The following SULF1 variants were observed in gnomAD, a reference collection of about 807,000 sequenced individuals.
SULF1 encodes sulfatase 1.
SULF1 carries 46 observed loss-of-function variants against 110.5 expected under a neutral mutation model. The ratio of observed to expected loss-of-function variants is 0.42; its 90% CI spans 0.33 to 0.53. SULF1 has a LOEUF of 0.53. Among genes scored for constraint, SULF1 ranks in the 20% least tolerant of loss-of-function variants. The pLI, the probability that SULF1 is intolerant of heterozygous loss-of-function variation, is 0.12. For missense variants in SULF1, 941 were observed against 1,094.2 expected (o/e 0.86, Z 1.98); for synonymous variants, 371 against 387.1 (o/e 0.96, Z 0.49).
In SULF1 at chr8:69,625,774, A is replaced by C. The variant is rs557630851; in HGVS notation, c.1851-1436A>C. Among the ~76,000 whole-genome samples, 42 of 152,260 alleles carry C rather than the reference A, an allele frequency of 2.8e-4. No homozygotes were observed. The South Asian group carries it at 8.7e-3, about 32-fold the overall frequency. On this transcript the variant is annotated intron_variant, in intron 15 of 22. Coordinates refer to ENST00000402687, the MANE Select transcript of SULF1 (RefSeq NM_001128205.2). Reference sequence around the variant, plus strand: ...AAGAGCGAAAGAACGGAGCTTCCACAGTGTGGAAGGGGACCCAGGCAGATT... The same window carrying C: ...AAGAGCGAAAGAACGGAGCTTCCACCGTGTGGAAGGGGACCCAGGCAGATT...
chr8:69,654,943 G>A (rs1812609305), intron 22 of SULF1, among the ~76,000 whole-genome samples: 1 of 152,184 alleles, frequency 6.6e-6, no homozygotes. Context: ...GCTATAAAAT[G>A]TGTCCTTTCA....
rs1813017534 is a variant in SULF1 at position 69,660,193 on chromosome 8, T to C, written c.*1658T>C. On this transcript the variant is annotated 3_prime_UTR_variant, in exon 23 of 23. Transcript: ENST00000402687. ...TCTTTTATTTTCATCTTTTTTGGTT[T>C]TCTTGGCATGACTAAGAAGCTTAAA... is the stretch of plus-strand genomic sequence containing the variant. 1 of 152,204 alleles carries C rather than the reference T, an allele frequency of 6.6e-6. No homozygotes were observed. 9.4% of individuals were successfully genotyped at this position (152,204 alleles called of 1,614,324 possible).
At chr8:69,593,783 G>A (rs1807080864) in intron 8 of SULF1, among the ~76,000 whole-genome samples, 1 of 152,086 alleles carries the variant, frequency 6.6e-6, no homozygotes, top group South Asian at 2.1e-4. Flanking sequence ...GTATTAGAAA[G>A]CCCTGCGCTC....
intron 8 of SULF1, among the ~76,000 whole-genome samples, chr8:69,594,122 G>A (rs1209322242): frequency 6.6e-6 from 1 of 152,044 alleles, no homozygotes; most frequent in Non-Finnish European, 1.5e-5. Context: ...CACAATCTCG[G>A]CTCACCACAA....
intron 6 of SULF1, among the ~76,000 whole-genome samples, chr8:69,578,985 A>C (rs774424646): frequency 1.3e-5 from 2 of 151,516 alleles, no homozygotes; most frequent in African/African-American, 2.4e-5. Flanking sequence ...ATCACGGTGA[A>C]ACTGTCTCTA....
intron 3 of SULF1, among the ~76,000 whole-genome samples, chr8:69,540,631 T>G (rs1164232991): frequency 6.6e-6 from 1 of 152,224 alleles, no homozygotes; most frequent in Non-Finnish European, 1.5e-5. Flanking sequence ...TGACAGCGTT[T>G]CCTGCCTTCT....
chr8:69,624,191 C>G lies in SULF1; in HGVS notation c.1844C>G (p.Thr615Arg). ...AVGPPTTVRV[T>R]HKCFILPNDS... is the part of the protein sequence containing the mutation. ...GGCCCACCTACCACTGTCCGAGTGACACACAAGTAAGAAAGCTTTATTTGT... is the reference window on the plus strand; with the variant it reads ...GGCCCACCTACCACTGTCCGAGTGAGACACAAGTAAGAAAGCTTTATTTGT... The change falls in exon 15 of 23, where the codon ACA becomes AGA. Residue 615 changes from threonine (T) to arginine (R), a missense_variant. Thr to Arg is a moderately conservative substitution (Grantham distance 71). Around this residue, in one of 3 missense-constraint regions of SULF1, gnomAD observed 822 missense variants for 934.3 expected, o/e 0.88. Transcript: ENST00000402687. 1 of 1,574,442 alleles carries G rather than the reference C, an allele frequency of 6.4e-7. No individual in the cohort carries two copies. Among genetic ancestry groups the G allele is most frequent in the Non-Finnish European group, 8.6e-7 (1 of 1,159,296 alleles).
intron 6 of SULF1, among the ~76,000 whole-genome samples, chr8:69,582,499 C>T (rs976818894): frequency 9.2e-5 from 14 of 152,060 alleles, no homozygotes; most frequent in African/African-American, 3.4e-4. Flanking sequence ...TGCATTTAAT[C>T]CTCAAAACAA....
chr8:69,552,115 G>C (rs913433652), intron 3 of SULF1, among the ~76,000 whole-genome samples: 2 of 152,106 alleles, frequency 1.3e-5, no homozygotes, highest in African/African-American at 2.4e-5. Context: ...AATTTTATAG[G>C]TCTCATCCCA....
rs543486788 is a variant in SULF1, at chr8:69,653,728, T to C, written c.2586-4777T>C. Among the ~76,000 whole-genome samples the C allele has an allele frequency of 3.9e-5, 6 of 152,312 alleles. No homozygotes were observed. The East Asian group carries it at 1.2e-3, about 29-fold the overall frequency. On this transcript the variant is annotated intron_variant, in intron 22 of 22. Transcript: ENST00000402687. ...AACTCTCTAATCATGTGGAGGTCTT[T>C]CTGATGATCAGCCCAGCTCCCAACC... is the stretch of plus-strand genomic sequence containing the variant.
In SULF1 at chr8:69,501,882, G is replaced by A. The variant is rs185882678; in HGVS notation, c.-220G>A. 7 of 152,256 alleles carry A rather than the reference G, an allele frequency of 4.6e-5. No individual in the cohort carries two copies. Among genetic ancestry groups the A allele is most frequent in the East Asian group, 1.9e-4 (1 of 5,188 alleles). 9.4% of individuals were successfully genotyped at this position (152,256 alleles called of 1,614,324 possible). A position where few individuals can be genotyped will look rare whatever the true frequency, so the allele number is the denominator to read the frequency against. ...GCTCTTTTCCATCGTAGGTGCTGAC[G>A]GCCACCCACCATCATCTAAAGAAGA... On this transcript the variant is annotated 5_prime_UTR_variant, in exon 3 of 23. Transcript: ENST00000402687.
chr8:69,605,799 C>T (rs566989489), intron 13 of SULF1, among the ~76,000 whole-genome samples: 5 of 152,244 alleles, frequency 3.3e-5, no homozygotes, highest in African/African-American at 7.2e-5. Flanking sequence ...ACATCAGGCA[C>T]AGTACGCAGG....
chr8:69,538,854 G>A (rs1813653776), intron 3 of SULF1, among the ~76,000 whole-genome samples: 2 of 152,036 alleles, frequency 1.3e-5, no homozygotes, highest in Admixed American at 6.6e-5. Context: ...CACCATGCCT[G>A]GCTAATTTTT....
chr8:69,541,012 G>A (rs1813817433), intron 3 of SULF1, among the ~76,000 whole-genome samples: 2 of 152,002 alleles, frequency 1.3e-5, no homozygotes, highest in African/African-American at 4.8e-5. Context: ...TTCCTATATG[G>A]CACAGCTGAA....
intron 1 of SULF1, among the ~76,000 whole-genome samples, chr8:69,486,282 C>T (rs2150548287): frequency 6.6e-6 from 1 of 151,482 alleles, no homozygotes; most frequent in South Asian, 2.1e-4. Context: ...AATTCCTATA[C>T]TGGTCATTCT....
chr8:69,537,964 C>CT lies in SULF1; in HGVS notation c.-133-25560dup, dbSNP rs746746718. 8.8e-3 allele frequency among the ~76,000 whole-genome samples: 1,254 copies of CT among 141,930 alleles called. 8 individuals carry two copies. The highest frequency in any genetic ancestry group is 0.051 in the Middle Eastern group (14 of 274). 93.1% of individuals were successfully genotyped at this position (141,930 alleles called of 152,430 possible). A position where few individuals can be genotyped will look rare whatever the true frequency, so the allele number is the denominator to read the frequency against. On this transcript the variant is annotated intron_variant, in intron 3 of 22. Transcript: ENST00000402687. ...CTCAAGTTTTATAACATTTCAAATCCTTTTTTTTTTTTTTTAGACGGAGTC... is the reference window on the plus strand; with the variant it reads ...CTCAAGTTTTATAACATTTCAAATCCTTTTTTTTTTTTTTTTAGACGGAGTC...
chr8:69,573,472 A>C (rs1302699326), intron 5 of SULF1, among the ~76,000 whole-genome samples: 1 of 152,184 alleles, frequency 6.6e-6, no homozygotes, highest in Non-Finnish European at 1.5e-5. Context: ...TGCGATTCAG[A>C]ACCTTGGATG....
chr8:69,566,041 T>A (rs1314180625), intron 5 of SULF1, among the ~76,000 whole-genome samples: 1 of 152,056 alleles, frequency 6.6e-6, no homozygotes, highest in East Asian at 1.9e-4. Flanking sequence ...GCAGCATTGA[T>A]GGAACTTTCC....
At chr8:69,532,164 C>A (rs1329620293) in intron 3 of SULF1, among the ~76,000 whole-genome samples, 3 of 152,160 alleles carry the variant, frequency 2.0e-5, no homozygotes, top group East Asian at 3.8e-4. Context: ...GTAGCATACC[C>A]ATTTAAATTT....
Sources: gnomAD v4.1 joint callset for allele counts (sites outside exome capture counted in the v4.1 genomes callset) on GRCh38, gnomAD v4.1.1 for gene constraint, gnomAD v4.1.1 regional missense constraint, MANE v1.5 for transcripts, NCBI Gene and HGNC (gene_info 2026-07-23, HGNC 2026-07-21) for gene names.